Variants in SKAP1 observed in about 807,000 individuals in gnomAD.
The protein encoded by SKAP1 is src kinase-associated phosphoprotein 1.
In SKAP1, 44 loss-of-function variants were observed where a neutral mutation model predicts 58.5. That is an observed-to-expected ratio of 0.75 (90% confidence interval 0.59 to 0.97). The LOEUF (loss-of-function observed/expected upper bound fraction) is 0.97. SKAP1 is among the 50% of genes least tolerant of loss of function. SKAP1 has a pLI of 0.00. For missense variants in SKAP1, 390 were observed against 435.2 expected, an observed-to-expected ratio of 0.90 and a Z score of 0.92; for synonymous variants, 127 against 149.7, an observed-to-expected ratio of 0.85 and a Z score of 1.11.
intron 1 of SKAP1, among the ~76,000 whole-genome samples, chr17:48,407,656 C>A (rs796879277): frequency 3.3e-5 from 5 of 152,000 alleles, no homozygotes; most frequent in African/African-American, 1.2e-4. Flanking sequence ...CCCAGGGGTT[C>A]GAGACCAGCG....
chr17:48,315,827 G>C (rs1343745465), intron 4 of SKAP1, among the ~76,000 whole-genome samples: 1 of 152,098 alleles, frequency 6.6e-6, no homozygotes, highest in Non-Finnish European at 1.5e-5. Flanking sequence ...GTTACCTTCA[G>C]ACTATGCATA....
chr17:48,337,312 G>A (rs545501474), intron 4 of SKAP1, among the ~76,000 whole-genome samples: 2 of 152,280 alleles, frequency 1.3e-5, no homozygotes, highest in South Asian at 4.1e-4. Flanking sequence ...GTTCAGCATT[G>A]TGTTAAATAG....
intron 4 of SKAP1, among the ~76,000 whole-genome samples, chr17:48,315,187 T>C (rs773342648): frequency 6.6e-5 from 10 of 152,142 alleles, no homozygotes; most frequent in Admixed American, 1.3e-4. Context: ...TTAGTACTCA[T>C]ATAATAATTT....
chr17:48,321,443 T>A (rs1248383784), intron 4 of SKAP1, among the ~76,000 whole-genome samples: 1 of 151,060 alleles, frequency 6.6e-6, no homozygotes, highest in Non-Finnish European at 1.5e-5. Flanking sequence ...AGTGGCGCAA[T>A]CTTGGCTCAC....
intron 1 of SKAP1, among the ~76,000 whole-genome samples, chr17:48,415,404 C>T (rs1382464387): frequency 1.3e-5 from 2 of 152,260 alleles, no homozygotes; most frequent in Admixed American, 6.5e-5. Context: ...GAATGCTTGT[C>T]CTCACTGGGC....
In SKAP1 at chr17:48,147,327, T is replaced by G. The variant is rs181080092; in HGVS notation, c.979-9990A>C. On this transcript the variant is annotated intron_variant, in intron 11 of 12. Coordinates refer to ENST00000336915, the MANE Select transcript of SKAP1 (RefSeq NM_003726.4). ...TTGTGCATCATACATTGCTATTAGT[T>G]AAGATGGGAAATTTGAATTCCTAAG... 3.9e-5 allele frequency among the ~76,000 whole-genome samples: 6 copies of G among 152,332 alleles called. No homozygotes were observed. In the East Asian group the frequency reaches 1.2e-3, roughly 29 times the overall value.
At chr17:48,321,397 A>T (rs910771119) in intron 4 of SKAP1, among the ~76,000 whole-genome samples, 13 of 136,746 alleles carry the variant, frequency 9.5e-5, no homozygotes, top group African/African-American at 3.3e-4. Flanking sequence ...ATTATTATTA[A>T]GATAGAGTCT....
chr17:48,337,267 C>T (rs1005680918), intron 4 of SKAP1, among the ~76,000 whole-genome samples: 1 of 152,170 alleles, frequency 6.6e-6, no homozygotes, highest in African/African-American at 2.4e-5. Context: ...AACAATCTTT[C>T]CCTAGTAAGC....
chr17:48,336,490 T>A (rs536932590), intron 4 of SKAP1, among the ~76,000 whole-genome samples: 2 of 152,144 alleles, frequency 1.3e-5, no homozygotes, highest in Non-Finnish European at 2.9e-5. Context: ...TGGGGATAAA[T>A]GTTCAGTCTT....
At chr17:48,191,268 C>T (rs2064541702) in intron 4 of SKAP1, among the ~76,000 whole-genome samples, 3 of 152,146 alleles carry the variant, frequency 2.0e-5, no homozygotes, top group Non-Finnish European at 2.9e-5. Flanking sequence ...AAAAAAAAGC[C>T]TCTTTTAAGG....
intron 4 of SKAP1, among the ~76,000 whole-genome samples, chr17:48,329,564 G>A (rs187229895): frequency 7.9e-5 from 12 of 152,250 alleles, no homozygotes; most frequent in East Asian, 3.9e-4. Flanking sequence ...AAAATTAGCC[G>A]GGCGTGGCGG....
chr17:48,357,202 A>G (rs991616586), intron 3 of SKAP1, among the ~76,000 whole-genome samples: 2 of 152,148 alleles, frequency 1.3e-5, no homozygotes, highest in African/African-American at 4.8e-5. Context: ...GATTTCTTTT[A>G]CCTGCATAAA....
chr17:48,144,173 G>A (rs894743515), intron 11 of SKAP1, among the ~76,000 whole-genome samples: 3 of 152,178 alleles, frequency 2.0e-5, no homozygotes, highest in Non-Finnish European at 4.4e-5. Context: ...ATCCTGCTGT[G>A]GGAGCCTGGG....
chr17:48,248,651 G>A (rs2065325533), intron 4 of SKAP1, among the ~76,000 whole-genome samples: 2 of 152,114 alleles, frequency 1.3e-5, no homozygotes, highest in South Asian at 4.1e-4. Context: ...AGGAGCCTAT[G>A]TGATTACAGC....
Position 48,137,218 on chromosome 17 carries a change from G to A in SKAP1, c.*7+11C>T. On this transcript the variant is annotated intron_variant, in intron 12 of 12. Coordinates refer to ENST00000336915, the MANE Select transcript of SKAP1 (RefSeq NM_003726.4). ...AACTATTAGGCAGTTCATTGGCCAT[G>A]GTTCTGATACCTGGGTTTCATCTTT... 1.3e-6 allele frequency: 2 copies of A among 1,571,674 alleles called. No individual in the cohort carries two copies. The highest frequency in any genetic ancestry group is 1.8e-6 in the Non-Finnish European group (2 of 1,141,826).
chr17:48,416,025 T>C (rs1161294962), intron 1 of SKAP1, among the ~76,000 whole-genome samples: 1 of 152,182 alleles, frequency 6.6e-6, no homozygotes, highest in East Asian at 1.9e-4. Flanking sequence ...AAAGTAGTTT[T>C]TAAAAAATAG....
intron 1 of SKAP1, among the ~76,000 whole-genome samples, chr17:48,397,286 C>T (rs553448663): frequency 1.3e-5 from 2 of 152,098 alleles, no homozygotes; most frequent in Admixed American, 6.5e-5. Context: ...AGTGCAGTGG[C>T]GTCATCTTGG....
At chr17:48,339,903 C>T (rs1346879637) in intron 4 of SKAP1, among the ~76,000 whole-genome samples, 1 of 152,012 alleles carries the variant, frequency 6.6e-6, no homozygotes, top group African/African-American at 2.4e-5. Flanking sequence ...CTACCAGTGG[C>T]CGGGCGCGGT....
intron 4 of SKAP1, among the ~76,000 whole-genome samples, chr17:48,337,663 G>A (rs2066592168): frequency 6.6e-6 from 1 of 152,122 alleles, no homozygotes; most frequent in South Asian, 2.1e-4. Context: ...TATAATTGTT[G>A]GCATTTATGG....
Sources: allele counts gnomAD v4.1 joint callset (sites outside exome capture counted in the v4.1 genomes callset), GRCh38; gene constraint gnomAD v4.1.1; transcripts MANE v1.5; gene names NCBI Gene and HGNC (gene_info 2026-07-23, HGNC 2026-07-21).